Variants in DAPP1 observed in about 807,000 individuals in gnomAD.
DAPP1 encodes dual adaptor of phosphotyrosine and 3-phosphoinositides 1.
In DAPP1, 20 loss-of-function variants were observed where a neutral mutation model predicts 41.5. The ratio of observed to expected loss-of-function variants is 0.48; its 90% CI spans 0.34 to 0.70. The LOEUF (loss-of-function observed/expected upper bound fraction) is 0.70. Among genes scored for constraint, DAPP1 ranks in the 30% least tolerant of loss-of-function variants. The pLI is 0.01. For missense variants in DAPP1, 233 were observed against 333.4 expected (o/e 0.70, Z 2.35); for synonymous variants, 113 against 116.2 (o/e 0.97, Z 0.18).
chr4:99,868,012 G>A lies in DAPP1; in HGVS notation c.775-105G>A, dbSNP rs1033851402. The A allele has an allele frequency of 5.0e-6, 5 of 997,418 alleles. No individual in the cohort carries two copies. In the African/African-American group the frequency reaches 6.4e-5, roughly 13 times the overall value. 61.8% of individuals were successfully genotyped at this position (997,418 alleles called of 1,614,324 possible). ...AGCACATGATAATTAACTTAGAGTTGTATGACATCCTTACTAATCAACATG... is the reference window on the plus strand; with the variant it reads ...AGCACATGATAATTAACTTAGAGTTATATGACATCCTTACTAATCAACATG... On this transcript the variant is annotated intron_variant, in intron 8 of 8. Coordinates refer to ENST00000512369, the MANE Select transcript of DAPP1 (RefSeq NM_014395.3).
chr4:99,822,128 A>T (rs186401826), intron 1 of DAPP1, among the ~76,000 whole-genome samples: 1 of 152,226 alleles, frequency 6.6e-6, no homozygotes, highest in African/African-American at 2.4e-5. Flanking sequence ...TCTCTTCATA[A>T]CTCAAGTGAA....
chr4:99,825,045 T>C (rs554856581), intron 1 of DAPP1, among the ~76,000 whole-genome samples: 1 of 152,164 alleles, frequency 6.6e-6, no homozygotes, highest in Non-Finnish European at 1.5e-5. Context: ...GCTCTGTGGA[T>C]TTTTCTTTAT....
chr4:99,838,627 C>A (rs1216726113), intron 2 of DAPP1, among the ~76,000 whole-genome samples: 3 of 152,202 alleles, frequency 2.0e-5, no homozygotes, highest in African/African-American at 7.2e-5. Context: ...CTAATGCCAT[C>A]ACTGATCTGA....
intron 1 of DAPP1, among the ~76,000 whole-genome samples, chr4:99,822,838 C>G (rs1722818031): frequency 6.6e-6 from 1 of 152,188 alleles, no homozygotes; most frequent in Non-Finnish European, 1.5e-5. Flanking sequence ...AGCCCATCGA[C>G]CTCTGTGTCC....
chr4:99,868,701 C>CA lies in DAPP1; in HGVS notation c.*526dup, dbSNP rs902767628. 6.6e-3 allele frequency: 901 copies of CA among 137,208 alleles called. 9 individuals are homozygous for CA. Among genetic ancestry groups the CA allele is most frequent in the Admixed American group, 9.8e-3 (136 of 13,832 alleles). 8.5% of individuals were successfully genotyped at this position (137,208 alleles called of 1,614,324 possible). On this transcript the variant is annotated 3_prime_UTR_variant, in exon 9 of 9. Coordinates refer to ENST00000512369, the MANE Select transcript of DAPP1 (RefSeq NM_014395.3). Reference sequence around the variant, plus strand: ...TTTTTTTAATTTTTCCCCCTTTATACAAAAAAAAAAGAACATTTCCAAAAC... The same window carrying CA: ...TTTTTTTAATTTTTCCCCCTTTATACAAAAAAAAAAAGAACATTTCCAAAAC...
At chr4:99,870,635 T>G (rs1360136112), downstream of DAPP1, among the ~76,000 whole-genome samples, 2 of 152,180 alleles carry the variant, frequency 1.3e-5, no homozygotes, top group Non-Finnish European at 2.9e-5. Context: ...AGAGGGAGGA[T>G]GTTTTGTGCC....
intron 7 of DAPP1, among the ~76,000 whole-genome samples, chr4:99,864,597 T>A (rs1173933170): frequency 6.6e-6 from 1 of 152,162 alleles, no homozygotes; most frequent in Non-Finnish European, 1.5e-5. Context: ...ATGGGTGTCT[T>A]TTTAAAATTT....
chr4:99,836,678 G>A (rs936125329), intron 2 of DAPP1, among the ~76,000 whole-genome samples: 1 of 152,192 alleles, frequency 6.6e-6, no homozygotes, highest in African/African-American at 2.4e-5. Context: ...GTCACTACTG[G>A]TCACTAACTC....
rs1258785514 is a variant in DAPP1 at position 99,817,138 on chromosome 4, AT to A, written c.101+131del. ...TTGCCCTCTGCCACCTCAACCATTT[AT>A]TTTTTTCCACTTTATTCATTTGTAT... On this transcript the variant is annotated intron_variant, in intron 1 of 8. Transcript: ENST00000512369. The A allele has an allele frequency of 7.6e-5, 47 of 615,066 alleles. No homozygotes were observed. In the East Asian group the frequency reaches 1.5e-3, roughly 19 times the overall value. The allele number at this position is 615,066 out of a possible 1,614,324, so 38.1% of individuals were successfully genotyped here.
chr4:99,860,217 C>T (rs1560707656), intron 4 of DAPP1, among the ~76,000 whole-genome samples: 1 of 152,218 alleles, frequency 6.6e-6, no homozygotes, highest in Admixed American at 6.5e-5. Context: ...CTTTCCCATG[C>T]AGCCTTTGGC....
chr4:99,833,658 T>A (rs1215464934), intron 1 of DAPP1, among the ~76,000 whole-genome samples: 2 of 152,262 alleles, frequency 1.3e-5, no homozygotes, highest in African/African-American at 4.8e-5. Context: ...ATTATTTGTA[T>A]AATTGCCTGT....
At chr4:99,829,904 A>T (rs1271377371) in intron 1 of DAPP1, among the ~76,000 whole-genome samples, 1 of 152,198 alleles carries the variant, frequency 6.6e-6, no homozygotes, top group Non-Finnish European at 1.5e-5. Context: ...CTGTGTTGTG[A>T]TGTTTGTGAT....
chr4:99,839,992 G>A (rs914677405), intron 2 of DAPP1, among the ~76,000 whole-genome samples: 1 of 152,166 alleles, frequency 6.6e-6, no homozygotes, highest in Non-Finnish European at 1.5e-5. Context: ...AATCCAGGAG[G>A]CGGAGGTTGC....
intron 1 of DAPP1, among the ~76,000 whole-genome samples, chr4:99,829,427 C>T (rs774794771): frequency 3.9e-4 from 59 of 151,972 alleles, no homozygotes; most frequent in Non-Finnish European, 8.2e-4. Context: ...TTGCAGTGAG[C>T]CGAGATCACA....
intron 2 of DAPP1, among the ~76,000 whole-genome samples, chr4:99,837,496 T>C (rs538860489): frequency 9.0e-4 from 137 of 152,340 alleles, no homozygotes; most frequent in African/African-American, 3.3e-3. Context: ...ATTTTATTTA[T>C]AAATTTTCTG....
chr4:99,863,172 G>A, intron 6 of DAPP1, 100 bp downstream of exon 6: 1 of 662,762 alleles, frequency 1.5e-6, no homozygotes, highest in East Asian at 3.2e-5. Flanking sequence ...ATATCCACCT[G>A]AAATACCTAA....
At chr4:99,822,265 C>T (rs1004309940) in intron 1 of DAPP1, among the ~76,000 whole-genome samples, 1 of 152,180 alleles carries the variant, frequency 6.6e-6, no homozygotes. Context: ...ATTCACTCTT[C>T]TACTGGGTCA....
chr4:99,847,127 T>C (rs1723692079), intron 3 of DAPP1, among the ~76,000 whole-genome samples: 1 of 152,204 alleles, frequency 6.6e-6, no homozygotes, highest in South Asian at 2.1e-4. Flanking sequence ...ACTGATAACA[T>C]AGAAAGATAA....
chr4:99,829,630 C>A (rs1428582263), intron 1 of DAPP1, among the ~76,000 whole-genome samples: 1 of 152,124 alleles, frequency 6.6e-6, no homozygotes, highest in Non-Finnish European at 1.5e-5. Context: ...CGACCAGAGA[C>A]AAATGCATGA....
Sources: gnomAD v4.1 joint callset for allele counts (sites outside exome capture counted in the v4.1 genomes callset) on GRCh38, gnomAD v4.1.1 for gene constraint, MANE v1.5 for transcripts, NCBI Gene and HGNC (gene_info 2026-07-23, HGNC 2026-07-21) for gene names.